ATP9A: variants seen among roughly 807,000 people sequenced by gnomAD.
ATP9A encodes the protein probable phospholipid-transporting ATPase IIA.
In ATP9A, 52 loss-of-function variants were observed where a neutral mutation model predicts 144.1. The observed-to-expected ratio is 0.36, with a 90% CI of 0.29 to 0.45. ATP9A has a LOEUF of 0.45. Among genes scored for constraint, ATP9A ranks in the 20% least tolerant of loss-of-function variants. The probability of loss-of-function intolerance (pLI) is 1.00; values close to 1 mark genes in which losing one functional copy is unlikely to be tolerated. For synonymous variants in ATP9A, 582 were observed against 557.4 expected (o/e 1.04, Z -0.62); for missense variants, 947 against 1,392.7 (o/e 0.68, Z 5.09).
At chr20:51,705,036 A>G (rs1038636516) in intron 4 of ATP9A, among the ~76,000 whole-genome samples, 1 of 152,198 alleles carries the variant, frequency 6.6e-6, no homozygotes. Context: ...TTAAAAAAAA[A>G]TCATAATGCA....
At chr20:51,740,174 A>G (rs1346986182) in intron 1 of ATP9A, among the ~76,000 whole-genome samples, 1 of 151,902 alleles carries the variant, frequency 6.6e-6, no homozygotes, top group Non-Finnish European at 1.5e-5. Flanking sequence ...CTCCCACCTC[A>G]GCCTCCCGAG....
At chr20:51,759,515 C>T (rs911970067) in intron 1 of ATP9A, among the ~76,000 whole-genome samples, 2 of 151,892 alleles carry the variant, frequency 1.3e-5, no homozygotes, top group Non-Finnish European at 2.9e-5. Flanking sequence ...TCTACTAAAA[C>T]CACAAAAATT....
chr20:51,760,057 C>T (rs199595830), intron 1 of ATP9A, among the ~76,000 whole-genome samples: 4 of 152,052 alleles, frequency 2.6e-5, no homozygotes, highest in Non-Finnish European at 2.9e-5. Flanking sequence ...CTTACTGCCA[C>T]GATTTGTGCA....
intron 15 of ATP9A, among the ~76,000 whole-genome samples, chr20:51,629,558 C>T (rs1417904734): frequency 6.6e-6 from 1 of 152,168 alleles, no homozygotes; most frequent in African/African-American, 2.4e-5. Flanking sequence ...GGCCCCTACG[C>T]ACTAGATGCC....
In ATP9A at chr20:51,768,389, T is replaced by C; in HGVS notation, c.-20A>G. 2.7e-6 allele frequency: 3 copies of C among 1,116,412 alleles called. No homozygotes were observed. The highest frequency in any genetic ancestry group is 4.1e-5 in the South Asian group (1 of 24,306). 69.2% of individuals were successfully genotyped at this position (1,116,412 alleles called of 1,614,324 possible). A position where few individuals can be genotyped will look rare whatever the true frequency, so the allele number is the denominator to read the frequency against. ...CGTCATGTCGGCGGCGCCGCCCGCC[T>C]TGGCCGCCGCGCCCCCCGCGCCGCC... is the stretch of plus-strand genomic sequence containing the variant. On this transcript the variant is annotated 5_prime_UTR_variant, in exon 1 of 28. Coordinates refer to ENST00000338821, the MANE Select transcript of ATP9A (RefSeq NM_006045.3).
At chr20:51,714,827 A>G (rs1470865671) in intron 3 of ATP9A, among the ~76,000 whole-genome samples, 1 of 152,246 alleles carries the variant, frequency 6.6e-6, no homozygotes, top group Non-Finnish European at 1.5e-5. Context: ...TATTAATTGC[A>G]TAAGTAGAAA....
intron 3 of ATP9A, among the ~76,000 whole-genome samples, chr20:51,716,898 C>T (rs1165428211): frequency 6.6e-6 from 1 of 152,000 alleles, no homozygotes; most frequent in African/African-American, 2.4e-5. Context: ...TCAGAGTCAG[C>T]TGTCGTGGCT....
rs751807584 is a variant in ATP9A, at chr20:51,690,821, TG to T, written c.643-3del. On this transcript the variant is annotated splice_polypyrimidine_tract_variant and splice_region_variant and intron_variant, in intron 7 of 27. Transcript: ENST00000338821. The stretch of plus-strand genomic sequence containing the variant: ...ATACGATCGAATCTGAAGAAGGTCC[TG>T]TTCAACAGAAGGCACATTCGGGAGT... 1 of 1,613,780 alleles carries T rather than the reference TG, an allele frequency of 6.2e-7. No individual in the cohort carries two copies. Among genetic ancestry groups the T allele is most frequent in the South Asian group, 1.1e-5 (1 of 91,070 alleles).
Position 51,597,706 on chromosome 20 carries a change from T to G in ATP9A, c.*3505A>C, listed in dbSNP as rs1378867515. 1 of 151,902 alleles carries G rather than the reference T, an allele frequency of 6.6e-6. No homozygotes were observed. The highest frequency in any genetic ancestry group is 2.4e-5 in the African/African-American group (1 of 41,342). 9.4% of individuals were successfully genotyped at this position (151,902 alleles called of 1,614,324 possible). On this transcript the variant is annotated 3_prime_UTR_variant, in exon 28 of 28. Transcript: ENST00000338821. ...CGCACGCATGCCCAGCCTACCCCAG[T>G]AAAAACAAGACAAAGTATAAAAAGA...
intron 26 of ATP9A, among the ~76,000 whole-genome samples, chr20:51,605,572 T>C (rs1312289308): frequency 6.6e-6 from 1 of 151,832 alleles, no homozygotes; most frequent in African/African-American, 2.4e-5. Flanking sequence ...GAGCTGAGAT[T>C]GTACCACTGC....
chr20:51,707,452 T>C (rs1000862660), intron 4 of ATP9A, among the ~76,000 whole-genome samples: 3 of 152,144 alleles, frequency 2.0e-5, no homozygotes, highest in African/African-American at 7.2e-5. Context: ...CTCTCCACCA[T>C]GCCAAGTCCC....
At chr20:51,718,175 G>A (rs1287229600) in intron 3 of ATP9A, among the ~76,000 whole-genome samples, 2 of 152,130 alleles carry the variant, frequency 1.3e-5, no homozygotes, top group African/African-American at 4.8e-5. Flanking sequence ...ACACATGGCT[G>A]CCTTCGAGGA....
chr20:51,642,867 G>A (rs2077326745), intron 14 of ATP9A, among the ~76,000 whole-genome samples: 1 of 150,960 alleles, frequency 6.6e-6, no homozygotes, highest in African/African-American at 2.4e-5. Context: ...TTCTTTCTCT[G>A]GAACCCCTGG....
chr20:51,639,507 A>G lies in ATP9A; in HGVS notation c.1507-3T>C. ...TCCGTCCACTGTACCAGGGCCACCT[A>G]AACATAACACAGGGTCGAAGGTCAG... On this transcript the variant is annotated splice_polypyrimidine_tract_variant and splice_region_variant and intron_variant, in intron 14 of 27. Transcript: ENST00000338821. 1.2e-6 allele frequency: 2 copies of G among 1,607,866 alleles called. No individual in the cohort carries two copies. Among genetic ancestry groups the G allele is most frequent in the Non-Finnish European group, 1.7e-6 (2 of 1,177,624 alleles).
chr20:51,639,605 G>T, intron 14 of ATP9A, 101 bp from the exon 15 acceptor site: 1 of 1,260,558 alleles, frequency 7.9e-7, no homozygotes, highest in Non-Finnish European at 1.1e-6. Flanking sequence ...AGAGACAGGG[G>T]AATCACAGTA....
At chr20:51,734,794 A>G (rs2077756635) in intron 1 of ATP9A, 1 of 216,284 alleles carries the variant, frequency 4.6e-6, no homozygotes, top group Admixed American at 4.1e-5. Flanking sequence ...AACACCACCA[A>G]GGCCCTGAGT....
At chr20:51,726,072 G>C (rs1231565775) in intron 2 of ATP9A, 140 bp from the exon 3 acceptor site, 1 of 623,318 alleles carries the variant, frequency 1.6e-6, no homozygotes, top group African/African-American at 1.8e-5. Flanking sequence ...CCAGAACTTT[G>C]GGAGGCCGAG....
chr20:51,744,993 G>GTAATATAAAATATAAAAATATAAAAATT (rs1277684042), intron 1 of ATP9A, among the ~76,000 whole-genome samples: 24 of 152,172 alleles, frequency 1.6e-4, no homozygotes, highest in Admixed American at 3.3e-4. Context: ...AGCTGGGCAT[G>GTAATATAAAATATAAAAATATAAAAATT]GGCCGGGTGC....
chr20:51,618,980 G>A lies in ATP9A; in HGVS notation c.2179C>T (p.Leu727=), dbSNP rs141750418. 132 of 1,614,178 alleles carry A rather than the reference G, an allele frequency of 8.2e-5. No homozygotes were observed. In the East Asian group the frequency reaches 2.7e-3, roughly 33 times the overall value. ...TCCAGGGAGTCTCCCGAGATGACCA[G>A]GGCACAATCATGCTTCCTGCGGAAG... The part of the protein sequence containing the change: ...NAFRRKHDCA[L]VISGDSLEVC... Residue 727 remains leucine (L), a synonymous_variant, in exon 20 of 28, where the codon CTG becomes TTG. Transcript: ENST00000338821.
Sources: gnomAD v4.1 joint callset for allele counts (sites outside exome capture counted in the v4.1 genomes callset) on GRCh38, gnomAD v4.1.1 for gene constraint, MANE v1.5 for transcripts, NCBI Gene and HGNC (gene_info 2026-07-23, HGNC 2026-07-21) for gene names.